Variants in DST observed in about 807,000 individuals in gnomAD.
DST encodes the protein dystonin.
DST carries 253 observed loss-of-function variants against 875.2 expected under a neutral mutation model. That is an observed-to-expected ratio of 0.29 (90% CI 0.26 to 0.32). The LOEUF is 0.32. DST is among the 10% of genes least tolerant of loss of function. DST has a pLI of 1.00. For synonymous variants in DST, 3,124 were observed against 3,197.1 expected (o/e 0.98, Z 0.77); for missense variants, 8,287 against 9,111.6 (o/e 0.91, Z 3.68).
Position 56,469,903 on chromosome 6 carries a change from T to C in DST, c.22531A>G (p.Ile7511Val). 6.2e-7 allele frequency: 1 copy of C among 1,613,374 alleles called. No individual in the cohort carries two copies. The highest frequency in any genetic ancestry group is 8.5e-7 in the Non-Finnish European group (1 of 1,179,408). Residue 7511 changes from isoleucine (I) to valine (V), a missense_variant, in exon 97 of 104, where the codon ATT becomes GTT. Transcript: ENST00000680361. ...KCAKRFQVEQ[I>V]GDNKYRFFLG... ...CTTACCCTGTATTTATTATCACCAA[T>C]CTGCTCAACTTGAAATCGCTTTGCA...
At chr6:56,581,328 G>C (rs1277686169) in intron 49 of DST, among the ~76,000 whole-genome samples, 1 of 151,454 alleles carries the variant, frequency 6.6e-6, no homozygotes, top group Non-Finnish European at 1.5e-5. Context: ...GATGGGGAGA[G>C]AAGAAAAAAA....
At chr6:56,833,914 TA>T (rs879869200) in intron 4 of DST, among the ~76,000 whole-genome samples, 139 of 137,788 alleles carry the variant, frequency 1.0e-3, no homozygotes, top group Non-Finnish European at 9.7e-4. Context: ...AACTCAACAA[TA>T]AAAAAAAAAA....
chr6:56,593,516 C>CAA lies in DST; in HGVS notation c.12726+145_12726+146dup, dbSNP rs58251502. 7.8e-3 allele frequency: 2,480 copies of CAA among 316,668 alleles called. 3 individuals are homozygous for CAA. Among genetic ancestry groups the CAA allele is most frequent in the South Asian group, 0.013 (162 of 12,006 alleles). The allele number at this position is 316,668 out of a possible 1,614,324, so 19.6% of individuals were successfully genotyped here. On this transcript the variant is annotated intron_variant, in intron 48 of 103. Coordinates refer to ENST00000680361, the MANE Select transcript of DST (RefSeq NM_001374736.1). ...TGGGCGACAGAGTGAGACTCCTTCT[C>CAA]AAAAAAAAAAAAAAAAATAGAAGTA...
chr6:56,908,098 T>TATATATATATATATACACACACACAC (rs148958146), intron 2 of DST, among the ~76,000 whole-genome samples: 89 of 150,608 alleles, frequency 5.9e-4, no homozygotes, highest in African/African-American at 1.8e-3. Context: ...TATATATATA[T>TATATATATATATATACACACACACAC]ACACACACAC....
intron 4 of DST, among the ~76,000 whole-genome samples, chr6:56,799,419 T>A (rs574159727): frequency 1.3e-5 from 2 of 151,954 alleles, no homozygotes; most frequent in Non-Finnish European, 2.9e-5. Context: ...TGAATTGATA[T>A]GGCAAACTTC....
At chr6:56,771,668 G>A (rs2099665723) in intron 4 of DST, among the ~76,000 whole-genome samples, 1 of 152,088 alleles carries the variant, frequency 6.6e-6, no homozygotes, top group Non-Finnish European at 1.5e-5. Context: ...AATACAAAAT[G>A]CACACATGTA....
chr6:56,605,171 T>A lies in DST; in HGVS notation c.9457A>T (p.Ile3153Phe). Residue 3153 changes from isoleucine (I) to phenylalanine (F), a missense_variant, in exon 40 of 104, where the codon ATT becomes TTT. Physicochemically the swap from Ile to Phe is conservative, Grantham distance 21. Coordinates refer to ENST00000680361, the MANE Select transcript of DST (RefSeq NM_001374736.1). ...TSVSKEISDDITSDITSWEGN... is the reference protein window; with the variant it reads ...TSVSKEISDDFTSDITSWEGN... Reference sequence around the variant, plus strand: ...TCCCACGATGTAATGTCTGAAGTAATGTCATCACTAATCTCTTTGGAAACT... The same window carrying A: ...TCCCACGATGTAATGTCTGAAGTAAAGTCATCACTAATCTCTTTGGAAACT... 6.2e-7 allele frequency: 1 copy of A among 1,612,320 alleles called. No homozygotes were observed. The highest frequency in any genetic ancestry group is 1.1e-5 in the South Asian group (1 of 90,980).
chr6:56,651,027 C>A lies in DST; in HGVS notation c.1333G>T (p.Asp445Tyr). 6.2e-7 allele frequency: 1 copy of A among 1,607,502 alleles called. No homozygotes were observed. Among genetic ancestry groups the A allele is most frequent in the Non-Finnish European group, 8.5e-7 (1 of 1,174,848 alleles). Residue 445 changes from aspartate (D) to tyrosine (Y), a missense_variant, in exon 12 of 104, where the codon GAT (aspartate) becomes TAT (tyrosine). Physicochemically the swap from Asp to Tyr is radical, Grantham distance 160. This residue lies in a region of DST where 1,160 missense variants were observed against 1,424.3 expected (regional missense o/e 0.81). Coordinates refer to ENST00000680361, the MANE Select transcript of DST (RefSeq NM_001374736.1). Reference protein sequence around the residue: ...VIRLLDPEDVDVSSPDEKSVI... With the variant: ...VIRLLDPEDVYVSSPDEKSVI... The stretch of plus-strand genomic sequence containing the variant: ...GATTTTTCATCAGGTGAGGAGACAT[C>A]GACATCTAAAAACAGCAACATAAAT...
chr6:56,604,389 G>C lies in DST; in HGVS notation c.10239C>G (p.Asp3413Glu). 6.2e-7 allele frequency: 1 copy of C among 1,611,722 alleles called. No homozygotes were observed. The highest frequency in any genetic ancestry group is 8.5e-7 in the Non-Finnish European group (1 of 1,178,726). Residue 3413 changes from aspartate to glutamate, a missense_variant, in exon 40 of 104, where the codon GAC becomes GAG. Asp to Glu is a conservative substitution (Grantham distance 45, BLOSUM62 2). Coordinates refer to ENST00000680361, the MANE Select transcript of DST (RefSeq NM_001374736.1). ...STVPSDSQMS[D>E]SSGVSPMTNS... ...TAGTCATGGGGGAAACTCCAGAAGA[G>C]TCACTCATTTGAGAGTCGCTGGGCA...
chr6:56,464,750 T>C lies in DST; in HGVS notation c.22694A>G (p.His7565Arg), dbSNP rs777647535. ...LVKNDPCRVH[H>R]HGSKMLRSES... ...CGAACGTAACATTTTACTCCCATGATGATGAACTAGAAAAAATGACACAGG... is the reference window on the plus strand; with the variant it reads ...CGAACGTAACATTTTACTCCCATGACGATGAACTAGAAAAAATGACACAGG... Residue 7565 changes from histidine (H) to arginine (R), a missense_variant, in exon 100 of 104, where the codon CAT (histidine) becomes CGT (arginine). By Grantham distance (29) the His-to-Arg change is conservative (BLOSUM62 0). This residue lies in a region of DST where 64 missense variants were observed against 86.2 expected (regional missense o/e 0.74). Coordinates refer to ENST00000680361, the MANE Select transcript of DST (RefSeq NM_001374736.1). 1.9e-6 allele frequency: 3 copies of C among 1,593,710 alleles called. No individual in the cohort carries two copies. Among genetic ancestry groups the C allele is most frequent in the Non-Finnish European group, 2.6e-6 (3 of 1,169,518 alleles).
At chr6:56,787,242 C>T (rs972665496) in intron 4 of DST, among the ~76,000 whole-genome samples, 6 of 152,126 alleles carry the variant, frequency 3.9e-5, no homozygotes, top group African/African-American at 1.4e-4. Flanking sequence ...ATGCTGAGCA[C>T]ATATAGTGAA....
chr6:56,631,846 GAGTT>G (rs745634775), intron 29 of DST, 33 bp downstream of exon 29: 5 of 1,596,980 alleles, frequency 3.1e-6, no homozygotes, highest in Non-Finnish European at 4.3e-6. Context: ...GTCATTAAGA[GAGTT>G]AGTTTTTTTC....
At chr6:56,544,587 G>A (rs2097191795) in intron 61 of DST, among the ~76,000 whole-genome samples, 1 of 152,158 alleles carries the variant, frequency 6.6e-6, no homozygotes, top group South Asian at 2.1e-4. Context: ...TAAAGACATA[G>A]CCACCACTGT....
intron 3 of DST, among the ~76,000 whole-genome samples, chr6:56,886,375 A>C (rs1183639368): frequency 6.6e-6 from 1 of 152,242 alleles, no homozygotes; most frequent in African/African-American, 2.4e-5. Flanking sequence ...TCAATAATAT[A>C]TGCCATACCC....
chr6:56,481,802 T>C (rs774906354), intron 90 of DST, among the ~76,000 whole-genome samples: 3 of 152,180 alleles, frequency 2.0e-5, no homozygotes, highest in South Asian at 2.1e-4. Flanking sequence ...TTCCTTGAGA[T>C]AGGAAACAGA....
intron 2 of DST, among the ~76,000 whole-genome samples, chr6:56,939,022 T>C (rs1377387278): frequency 2.6e-5 from 4 of 152,268 alleles, no homozygotes; most frequent in Admixed American, 2.6e-4. Context: ...AAGAAGCAGC[T>C]AATTGATACA....
chr6:56,564,239 T>C (rs2097605031), intron 55 of DST, among the ~76,000 whole-genome samples: 1 of 152,216 alleles, frequency 6.6e-6, no homozygotes, highest in Admixed American at 6.5e-5. Context: ...GTTTGTATCC[T>C]CTCTTATTTC....
intron 5 of DST, among the ~76,000 whole-genome samples, chr6:56,716,272 T>C (rs552099512): frequency 3.9e-5 from 6 of 152,194 alleles, no homozygotes; most frequent in Admixed American, 1.3e-4. Context: ...GGACAACTGG[T>C]GTTTGACAAA....
At chr6:56,631,794 G>T in intron 29 of DST, 89 bp downstream of exon 29, 1 of 1,242,558 alleles carries the variant, frequency 8.0e-7, no homozygotes, top group Non-Finnish European at 1.2e-6. Context: ...GTGTGAGTGT[G>T]CAAAACTGAA....
Sources: gnomAD v4.1 joint callset for allele counts (sites outside exome capture counted in the v4.1 genomes callset) on GRCh38, gnomAD v4.1.1 for gene constraint, gnomAD v4.1.1 regional missense constraint, MANE v1.5 for transcripts, NCBI Gene and HGNC (gene_info 2026-07-23, HGNC 2026-07-21) for gene names.